The following EFHC2 variants were observed in gnomAD, a reference collection of about 807,000 sequenced individuals.
The protein encoded by EFHC2 is EF-hand domain containing 2, also known as EF-hand domain-containing family member C2.
EFHC2 carries 18 observed loss-of-function variants against 52.7 expected under a neutral mutation model. That is an observed-to-expected ratio of 0.34 (90% CI 0.24 to 0.51). EFHC2 has a LOEUF of 0.51. Ranked by LOEUF, EFHC2 falls within the 20% of genes least tolerant of loss-of-function variation. The probability of loss-of-function intolerance (pLI) is 0.97; values close to 1 mark genes in which losing one functional copy is unlikely to be tolerated. For missense variants in EFHC2, 513 were observed against 562.5 expected (o/e 0.91, Z 0.89); for synonymous variants, 203 against 204.1 (o/e 0.99, Z 0.04).
chrX:44,217,370 G>A (rs1446567724), intron 11 of EFHC2, among the ~76,000 whole-genome samples: 1 of 111,317 alleles, frequency 9.0e-6, no homozygotes, highest in East Asian at 2.8e-4. Context: ...CTCACTGCTG[G>A]GTATATATCC....
At chrX:44,275,528 A>G (rs1470885248) in intron 2 of EFHC2, among the ~76,000 whole-genome samples, 4 of 110,673 alleles carry the variant, frequency 3.6e-5, no homozygotes, top group African/African-American at 1.3e-4. Flanking sequence ...AACAGAACCT[A>G]AAATAAAAAC....
At chrX:44,341,190 T>A (rs2038149477) in intron 1 of EFHC2, among the ~76,000 whole-genome samples, 1 of 111,667 alleles carries the variant, frequency 9.0e-6, no homozygotes, top group Non-Finnish European at 1.9e-5. Flanking sequence ...GATAAAAGGT[T>A]CAAAGGCAAG....
intron 8 of EFHC2, among the ~76,000 whole-genome samples, chrX:44,241,849 GAGACAGATATAT>G (rs1481227023): frequency 8.9e-6 from 1 of 111,820 alleles, no homozygotes; most frequent in African/African-American, 3.3e-5. Context: ...CTATTTTCGG[GAGACAGATATAT>G]AGATAGATAT....
chrX:44,236,949 T>C (rs188473329), intron 8 of EFHC2, among the ~76,000 whole-genome samples: 1 of 111,952 alleles, frequency 8.9e-6, no homozygotes, highest in East Asian at 2.8e-4. Context: ...TTACTGTAAA[T>C]TTAACTTCTT....
intron 4 of EFHC2, among the ~76,000 whole-genome samples, chrX:44,258,133 T>G (rs1602181619): frequency 8.9e-6 from 1 of 111,959 alleles, no homozygotes; most frequent in East Asian, 2.8e-4. Flanking sequence ...CAAAAATTAA[T>G]TCAAGATGGA....
chrX:44,196,357 G>GCCCCACTC (rs2036966120), intron 11 of EFHC2, among the ~76,000 whole-genome samples: 1 of 112,109 alleles, frequency 8.9e-6, no homozygotes, highest in East Asian at 2.8e-4. Flanking sequence ...CTGTATGCCA[G>GCCCCACTC]CCCCACTCCT....
intron 1 of EFHC2, among the ~76,000 whole-genome samples, chrX:44,326,992 G>A (rs1447115518): frequency 9.0e-6 from 1 of 110,744 alleles, no homozygotes; most frequent in African/African-American, 3.3e-5. Flanking sequence ...GCCTCCCAAA[G>A]TGCTAGGATT....
intron 4 of EFHC2, among the ~76,000 whole-genome samples, chrX:44,256,869 C>A (rs1295617380): frequency 9.0e-6 from 1 of 111,249 alleles, no homozygotes; most frequent in Non-Finnish European, 1.9e-5. Context: ...AGGCCAATAT[C>A]CCTGATGAAG....
Position 44,343,551 on chromosome X carries a change from C to A in EFHC2, c.38G>T (p.Arg13Leu). The change falls in exon 1 of 15, where the codon CGC becomes CTC. Residue 13 changes from arginine (R) to leucine (L), a missense_variant. Physicochemically the swap from Arg to Leu is moderately radical, Grantham distance 102. Transcript: ENST00000420999. Reference sequence around the variant, plus strand: ...TCGGACGCCCTTCCTACTCACGTTGCGGTTGAAGCTGTTGCCCGGCAGCAG... The same window carrying A: ...TCGGACGCCCTTCCTACTCACGTTGAGGTTGAAGCTGTTGCCCGGCAGCAG... ...LPLLPGNSFNRNVGKEKFHKS... is the reference protein window; with the variant it reads ...LPLLPGNSFNLNVGKEKFHKS... The A allele has an allele frequency of 1.7e-6, 2 of 1,196,190 alleles. No homozygotes were observed. The highest frequency in any genetic ancestry group is 2.3e-6 in the Non-Finnish European group (2 of 887,730).
intron 14 of EFHC2, among the ~76,000 whole-genome samples, chrX:44,151,430 T>C (rs1328735573): frequency 2.7e-5 from 3 of 111,530 alleles, no homozygotes; most frequent in African/African-American, 6.5e-5. Context: ...GTTGGCAGCG[T>C]TGGATCTTTC....
chrX:44,211,218 T>C (rs1010941641), intron 11 of EFHC2, among the ~76,000 whole-genome samples: 23 of 111,586 alleles, frequency 2.1e-4, no homozygotes, highest in African/African-American at 7.2e-4. Context: ...AAAAGAAAAA[T>C]ATACAACTAC....
At chrX:44,269,648 G>A (rs924537562) in intron 3 of EFHC2, among the ~76,000 whole-genome samples, 4 of 111,071 alleles carry the variant, frequency 3.6e-5, no homozygotes, top group Non-Finnish European at 7.5e-5. Flanking sequence ...TCCACCACGA[G>A]TAAAAGCTTC....
chrX:44,205,098 C>T (rs1461924276), intron 11 of EFHC2, among the ~76,000 whole-genome samples: 4 of 111,485 alleles, frequency 3.6e-5, no homozygotes, highest in Admixed American at 2.9e-4. Context: ...ATTTCATACC[C>T]CACCAAACTA....
intron 9 of EFHC2, among the ~76,000 whole-genome samples, chrX:44,232,942 G>A (rs895195525): frequency 1.1e-4 from 12 of 111,635 alleles, no homozygotes; most frequent in African/African-American, 3.9e-4. Flanking sequence ...GCTGAGGCAC[G>A]AGGATCACTT....
chrX:44,198,670 T>C (rs2036983694), intron 11 of EFHC2, among the ~76,000 whole-genome samples: 1 of 110,961 alleles, frequency 9.0e-6, no homozygotes, highest in African/African-American at 3.3e-5. Flanking sequence ...AACAAGCTAA[T>C]AGGTGGCAGC....
At chrX:44,185,773 C>A (rs1298756176) in intron 11 of EFHC2, among the ~76,000 whole-genome samples, 3 of 111,235 alleles carry the variant, frequency 2.7e-5, no homozygotes, top group Non-Finnish European at 5.7e-5. Flanking sequence ...CTCAAGTGAT[C>A]CTCTCACTTT....
intron 9 of EFHC2, among the ~76,000 whole-genome samples, chrX:44,235,008 G>A (rs1047112063): frequency 1.8e-5 from 2 of 111,286 alleles, no homozygotes; most frequent in African/African-American, 6.5e-5. Flanking sequence ...TGAAGCCCTT[G>A]GGTTCCACAG....
Position 44,148,726 on chromosome X carries a change from A to T in EFHC2, c.*69T>A. The T allele has an allele frequency of 1.1e-6, 1 of 880,139 alleles. No homozygotes were observed. Among genetic ancestry groups the T allele is most frequent in the Non-Finnish European group, 1.6e-6 (1 of 633,948 alleles). The allele number at this position is 880,139 out of a possible 1,213,427, so 72.5% of individuals were successfully genotyped here. A position where few individuals can be genotyped will look rare whatever the true frequency, so the allele number is the denominator to read the frequency against. The stretch of plus-strand genomic sequence containing the variant: ...TTTCTTTTTTGTTTTTAATGAAATT[A>T]TATCTACTAAAGTAAATGTGGCAAA... On this transcript the variant is annotated 3_prime_UTR_variant, in exon 15 of 15. Coordinates refer to ENST00000420999, the MANE Select transcript of EFHC2 (RefSeq NM_025184.4).
intron 13 of EFHC2, among the ~76,000 whole-genome samples, chrX:44,165,250 T>C (rs2036687748): frequency 8.9e-6 from 1 of 111,952 alleles, no homozygotes; most frequent in Non-Finnish European, 1.9e-5. Flanking sequence ...ATAAATTAAA[T>C]GTTACAAGCT....
Sources: gnomAD v4.1 joint callset for allele counts (sites outside exome capture counted in the v4.1 genomes callset) on GRCh38, gnomAD v4.1.1 for gene constraint, MANE v1.5 for transcripts, NCBI Gene and HGNC (gene_info 2026-07-23, HGNC 2026-07-21) for gene names.